The following SRGAP2 variants were observed in gnomAD, a reference collection of about 807,000 sequenced individuals.
The protein encoded by SRGAP2 is SLIT-ROBO Rho GTPase-activating protein 2.
A neutral mutation model predicts 57.2 loss-of-function variants in SRGAP2; 15 were observed. The observed-to-expected ratio is 0.26, with a 90% CI of 0.18 to 0.40. The LOEUF is 0.40. Among genes scored for constraint, SRGAP2 ranks in the 10% least tolerant of loss-of-function variants. SRGAP2 has a pLI of 1.00. For synonymous variants in SRGAP2, 249 were observed against 248.0 expected (o/e 1.00, Z -0.04); for missense variants, 520 against 669.6 (o/e 0.78, Z 2.47).
chr1:206,455,019 C>A lies in SRGAP2; in HGVS notation c.2502C>A (p.Ile834=), dbSNP rs538859549. 2.3e-5 allele frequency: 18 copies of A among 780,908 alleles called. No individual in the cohort carries two copies. The highest frequency in any genetic ancestry group is 1.7e-4 in the Admixed American group (10 of 59,044). The allele number at this position is 780,908 out of a possible 1,614,324, so 48.4% of individuals were successfully genotyped here. Residue 834 remains isoleucine, a synonymous_variant, in exon 21 of 23, where the codon ATC becomes ATA. Coordinates refer to ENST00000573034, the MANE Select transcript of SRGAP2 (RefSeq NM_015326.5). ...TAGCCGATATTTATCTTGCAAACAT[C>A]AACAAGTAAGCTCTGCTTTTCATTT... ...GHVADIYLAN[I]NKQRKRPESG...
chr1:206,370,220 C>G (rs1225387401), intron 4 of SRGAP2, among the ~76,000 whole-genome samples: 22 of 152,170 alleles, frequency 1.4e-4, no homozygotes, highest in Non-Finnish European at 2.9e-5. Flanking sequence ...GAGCAGAGAT[C>G]GCACCACTGC....
intron 3 of SRGAP2, among the ~76,000 whole-genome samples, chr1:206,339,239 G>T (rs1674994004): frequency 6.6e-6 from 1 of 151,728 alleles, no homozygotes; most frequent in Admixed American, 6.6e-5. Context: ...ATGATGAGAT[G>T]GTATGATATT....
Position 206,241,231 on chromosome 1 carries a change from TGAGAGAGAAGAA to T in SRGAP2, c.67+35204_67+35215del, listed in dbSNP as rs1167885766. On this transcript the variant is annotated intron_variant, in intron 2 of 22. Transcript: ENST00000573034. ...CCCTAAAAAACAAAAGAAATGGGTT[TGAGAGAGAAGAA>T]GAGAGAGAAACTTAACTGTGGGTGT... Among the ~76,000 whole-genome samples the T allele has an allele frequency of 4.6e-5, 7 of 152,192 alleles. No homozygotes were observed. The East Asian group carries it at 1.3e-3, about 29-fold the overall frequency.
rs1553377504 is a variant in SRGAP2 at position 206,454,413 on chromosome 1, G to T, written c.2361-465G>T. On this transcript the variant is annotated intron_variant, in intron 20 of 22. Transcript: ENST00000573034. The surrounding 1 kb of genome is among the most constrained non-coding windows in gnomAD (Gnocchi z 4.3). ...TTGGATGCTCTGAGCGGGGCTAGAGGCGCTACGACAGTGTGTGGCGGTGTC... is the reference window on the plus strand; with the variant it reads ...TTGGATGCTCTGAGCGGGGCTAGAGTCGCTACGACAGTGTGTGGCGGTGTC... 1 of 561,478 alleles carries T rather than the reference G, an allele frequency of 1.8e-6. No homozygotes were observed. The highest frequency in any genetic ancestry group is 1.9e-5 in the African/African-American group (1 of 52,964). 34.8% of individuals were successfully genotyped at this position (561,478 alleles called of 1,614,324 possible). A position where few individuals can be genotyped will look rare whatever the true frequency, so the allele number is the denominator to read the frequency against.
chr1:206,309,907 T>C (rs1672512451), intron 3 of SRGAP2, among the ~76,000 whole-genome samples: 1 of 151,160 alleles, frequency 6.6e-6, no homozygotes, highest in East Asian at 1.9e-4. Flanking sequence ...TTTGCATTGG[T>C]AGTAAAAGTT....
At chr1:206,237,292 AG>A (rs1356706112) in intron 2 of SRGAP2, among the ~76,000 whole-genome samples, 1 of 152,026 alleles carries the variant, frequency 6.6e-6, no homozygotes, top group African/African-American at 2.4e-5. Flanking sequence ...CCTGTCTCAG[AG>A]GGGGGAAAAA....
At position 206,420,821 on chromosome 1, in the gene SRGAP2, C is replaced by T. The variant is rs556491519; in HGVS notation, c.1470-429C>T. 2.6e-5 allele frequency among the ~76,000 whole-genome samples: 4 copies of T among 152,236 alleles called. No individual in the cohort carries two copies. In the East Asian group the frequency reaches 5.8e-4, roughly 22 times the overall value. On this transcript the variant is annotated intron_variant, in intron 12 of 22. Transcript: ENST00000573034. Reference sequence around the variant, plus strand: ...GAAAAATTGTTCCCTGTAAAGATAGCGATCTTTAAGGATTTCCTAGAGAAA... The same window carrying T: ...GAAAAATTGTTCCCTGTAAAGATAGTGATCTTTAAGGATTTCCTAGAGAAA...
In SRGAP2 at chr1:206,454,012, T is replaced by G. The variant is rs1334546068; in HGVS notation, c.2360+632T>G. On this transcript the variant is annotated intron_variant, in intron 20 of 22. Transcript: ENST00000573034. The surrounding 1 kb of genome is among the most constrained non-coding windows in gnomAD (Gnocchi z 4.3). ...AGGCTGTTGGTTGATTCTCACACTT[T>G]GAAGCAGTTGTCCCGTGGGCCCACC... The G allele has an allele frequency of 1.1e-5, 7 of 660,158 alleles. No homozygotes were observed. The highest frequency in any genetic ancestry group is 1.7e-5 in the Non-Finnish European group (6 of 363,438). The allele number at this position is 660,158 out of a possible 1,614,324, so 40.9% of individuals were successfully genotyped here. A position where few individuals can be genotyped will look rare whatever the true frequency, so the allele number is the denominator to read the frequency against.
chr1:206,344,066 C>T (rs550572398), intron 4 of SRGAP2, among the ~76,000 whole-genome samples: 7 of 152,206 alleles, frequency 4.6e-5, no homozygotes, highest in Non-Finnish European at 8.8e-5. Flanking sequence ...GGATTGTAGT[C>T]GATACAGTCA....
intron 2 of SRGAP2, among the ~76,000 whole-genome samples, chr1:206,281,961 C>T (rs1414366867): frequency 1.3e-5 from 2 of 150,042 alleles, no homozygotes; most frequent in African/African-American, 4.9e-5. Flanking sequence ...ACCTGTAACA[C>T]TTTGCTTTTA....
Position 206,454,286 on chromosome 1 carries a change from C to A in SRGAP2, c.2361-592C>A. The A allele has an allele frequency of 1.5e-6, 1 of 681,576 alleles. No homozygotes were observed. Among genetic ancestry groups the A allele is most frequent in the Non-Finnish European group, 2.7e-6 (1 of 374,486 alleles). 42.2% of individuals were successfully genotyped at this position (681,576 alleles called of 1,614,324 possible). A position where few individuals can be genotyped will look rare whatever the true frequency, so the allele number is the denominator to read the frequency against. ...CCTCCCAAATTTAGCATTATGACTT[C>A]ACCACAGGATCAAGAGAAGATGAAT... On this transcript the variant is annotated intron_variant, in intron 20 of 22. Coordinates refer to ENST00000573034, the MANE Select transcript of SRGAP2 (RefSeq NM_015326.5). This position sits in a 1 kb window ranked among gnomAD's most constrained non-coding sequence, Gnocchi z 4.3.
At chr1:206,259,741 A>G (rs1669431077) in intron 2 of SRGAP2, among the ~76,000 whole-genome samples, 1 of 151,556 alleles carries the variant, frequency 6.6e-6, no homozygotes, top group Non-Finnish European at 1.5e-5. Context: ...GCTAAGTTTT[A>G]TTAAACATTG....
rs1571740998 is a variant in SRGAP2 at position 206,276,347 on chromosome 1, G to A, written c.68-26934G>A. ...GGTCACAATATGCCCCCTCCTGGGAGAGTGGCTTCAGTAAATTCAGGTTGC... is the reference window on the plus strand; with the variant it reads ...GGTCACAATATGCCCCCTCCTGGGAAAGTGGCTTCAGTAAATTCAGGTTGC... On this transcript the variant is annotated intron_variant, in intron 2 of 22. Coordinates refer to ENST00000573034, the MANE Select transcript of SRGAP2 (RefSeq NM_015326.5). Among the ~76,000 whole-genome samples, 3 of 144,412 alleles carry A rather than the reference G, an allele frequency of 2.1e-5. No homozygotes were observed. The East Asian group carries it at 6.1e-4, about 29-fold the overall frequency. 94.7% of individuals were successfully genotyped at this position (144,412 alleles called of 152,430 possible).
rs569879142 is a variant in SRGAP2 at position 206,421,319 on chromosome 1, G to A, written c.1494+45G>A. On this transcript the variant is annotated intron_variant, in intron 13 of 22. Coordinates refer to ENST00000573034, the MANE Select transcript of SRGAP2 (RefSeq NM_015326.5). ...CAGGCTGGTCTGGCCTGAAAATATA[G>A]TCCATCCCACAGGCATTTATTGAGC... is the stretch of plus-strand genomic sequence containing the variant. 1.1e-5 allele frequency: 8 copies of A among 758,238 alleles called. No homozygotes were observed. The South Asian group carries it at 1.1e-4, about 11-fold the overall frequency. The allele number at this position is 758,238 out of a possible 1,614,324, so 47.0% of individuals were successfully genotyped here. A position where few individuals can be genotyped will look rare whatever the true frequency, so the allele number is the denominator to read the frequency against.
intron 2 of SRGAP2, among the ~76,000 whole-genome samples, chr1:206,224,401 C>G (rs1571608084): frequency 6.9e-6 from 1 of 145,060 alleles, no homozygotes; most frequent in Non-Finnish European, 1.5e-5. Flanking sequence ...AAAAAGCCTA[C>G]CTATACGAAA....
intron 2 of SRGAP2, among the ~76,000 whole-genome samples, chr1:206,266,414 T>A (rs1553314534): frequency 6.6e-6 from 1 of 152,140 alleles, no homozygotes; most frequent in African/African-American, 2.4e-5. Flanking sequence ...CGGCTAATGT[T>A]GTATTTTTAG....
intron 14 of SRGAP2, among the ~76,000 whole-genome samples, chr1:206,430,577 C>T (rs1553368021): frequency 2.6e-5 from 4 of 152,208 alleles, no homozygotes; most frequent in Non-Finnish European, 5.9e-5. Context: ...TCCCACTGTA[C>T]AGCCTGACCA....
In SRGAP2 at chr1:206,418,354, C is replaced by A. The variant is rs57601063; in HGVS notation, c.1442-1019C>A. Among the ~76,000 whole-genome samples the A allele has an allele frequency of 3.2e-3, 480 of 152,322 alleles. 2 individuals carry two copies. The highest frequency in any genetic ancestry group is 0.011 in the African/African-American group (465 of 41,588). On this transcript the variant is annotated intron_variant, in intron 11 of 22. Transcript: ENST00000573034. ...AGGGGATGGCGTTGCTCAAGATGAG[C>A]TGAACTGTAAGCAACAATTACCAAC... is the stretch of plus-strand genomic sequence containing the variant.
intron 3 of SRGAP2, among the ~76,000 whole-genome samples, chr1:206,336,162 CA>C (rs1367839565): frequency 9.4e-6 from 1 of 105,898 alleles, no homozygotes; most frequent in Non-Finnish European, 1.9e-5. Context: ...GTCCTTCCCC[CA>C]AACCTGATTA....
Sources: allele counts gnomAD v4.1 joint callset (sites outside exome capture counted in the v4.1 genomes callset), GRCh38; gene constraint gnomAD v4.1.1; non-coding constraint Gnocchi (gnomAD v3.1); transcripts MANE v1.5; gene names NCBI Gene and HGNC (gene_info 2026-07-23, HGNC 2026-07-21).